TMEM132D: variants seen among roughly 807,000 people sequenced by gnomAD.
The protein encoded by TMEM132D is mature OL transmembrane protein.
TMEM132D carries 21 observed loss-of-function variants against 62.3 expected under a neutral mutation model. That is an observed-to-expected ratio of 0.34 (90% CI 0.24 to 0.49). The LOEUF is 0.49. Among genes scored for constraint, TMEM132D ranks in the 20% least tolerant of loss-of-function variants. The probability of loss-of-function intolerance (pLI) is 0.99; values close to 1 mark genes in which losing one functional copy is unlikely to be tolerated. For missense variants in TMEM132D, 1,346 were observed against 1,402.8 expected, an observed-to-expected ratio of 0.96 and a Z score of 0.65; for synonymous variants, 621 against 575.6, an observed-to-expected ratio of 1.08 and a Z score of -1.13.
intron 1 of TMEM132D, among the ~76,000 whole-genome samples, chr12:129,877,608 C>T (rs1364445450): frequency 1.1e-5 from 1 of 91,508 alleles, no homozygotes. Context: ...CAAACGCGCG[C>T]GCGCGCACAC....
At chr12:129,405,682 G>A (rs753193629) in intron 3 of TMEM132D, among the ~76,000 whole-genome samples, 8 of 152,108 alleles carry the variant, frequency 5.3e-5, no homozygotes, top group African/African-American at 2.4e-5. Flanking sequence ...TGGGTACATG[G>A]AGTAGTCAGG....
intron 1 of TMEM132D, among the ~76,000 whole-genome samples, chr12:129,783,597 G>A (rs540676396): frequency 2.6e-5 from 4 of 152,244 alleles, no homozygotes; most frequent in South Asian, 2.1e-4. Context: ...GACAAATGCC[G>A]CTGGGAAAAG....
intron 3 of TMEM132D, among the ~76,000 whole-genome samples, chr12:129,444,875 G>A (rs1197158789): frequency 6.6e-6 from 1 of 152,182 alleles, no homozygotes; most frequent in Non-Finnish European, 1.5e-5. Context: ...CTTACACACT[G>A]TTGGTGGAAA....
chr12:129,843,015 A>T (rs927404318), intron 1 of TMEM132D, among the ~76,000 whole-genome samples: 2 of 152,180 alleles, frequency 1.3e-5, no homozygotes, highest in African/African-American at 4.8e-5. Flanking sequence ...AAATAATAGT[A>T]CTGTTGGTTC....
At chr12:129,534,197 A>T (rs557249712) in intron 2 of TMEM132D, among the ~76,000 whole-genome samples, 2 of 91,734 alleles carry the variant, frequency 2.2e-5, no homozygotes, top group African/African-American at 6.8e-5. Context: ...GGTTACACTG[A>T]CAGCCTCATT....
At chr12:129,196,575 A>C (rs574259396) in intron 5 of TMEM132D, among the ~76,000 whole-genome samples, 1 of 152,256 alleles carries the variant, frequency 6.6e-6, no homozygotes, top group African/African-American at 2.4e-5. Context: ...TTGACTGGTG[A>C]TGTCTGCCCT....
chr12:129,143,248 C>CTTGCT (rs1876794572), intron 5 of TMEM132D, among the ~76,000 whole-genome samples: 2 of 152,052 alleles, frequency 1.3e-5, no homozygotes, highest in Admixed American at 1.3e-4. Context: ...GAGTGGCTCA[C>CTTGCT]AAAACTCAGG....
chr12:129,600,245 A>G (rs1296186559), intron 2 of TMEM132D, among the ~76,000 whole-genome samples: 1 of 152,206 alleles, frequency 6.6e-6, no homozygotes, highest in East Asian at 1.9e-4. Flanking sequence ...GTTCATCCAT[A>G]AGAAGCAATT....
chr12:129,587,483 C>T lies in TMEM132D; in HGVS notation c.969-56278G>A, dbSNP rs936810656. The stretch of plus-strand genomic sequence containing the variant: ...GTGATGAACTAATTCGTACAACAAA[C>T]CCCCATGACACGAGTTTACCTATGT... On this transcript the variant is annotated intron_variant, in intron 2 of 8. Transcript: ENST00000422113. 4.6e-5 allele frequency among the ~76,000 whole-genome samples: 7 copies of T among 152,058 alleles called. No homozygotes were observed. The South Asian group carries it at 1.0e-3, about 23-fold the overall frequency.
chr12:129,095,196 A>T (rs190473469), intron 5 of TMEM132D, among the ~76,000 whole-genome samples: 53 of 151,166 alleles, frequency 3.5e-4, no homozygotes, highest in Admixed American at 7.3e-4. Flanking sequence ...AATAAAATTT[A>T]AAAAAAAAGG....
At chr12:129,365,656 C>T (rs1407779099) in intron 3 of TMEM132D, among the ~76,000 whole-genome samples, 1 of 152,124 alleles carries the variant, frequency 6.6e-6, no homozygotes, top group Non-Finnish European at 1.5e-5. Flanking sequence ...CCGCAGGGAG[C>T]CTTGGAGCAA....
At chr12:129,272,831 T>A (rs183886634) in intron 4 of TMEM132D, among the ~76,000 whole-genome samples, 1 of 151,768 alleles carries the variant, frequency 6.6e-6, no homozygotes, top group East Asian at 1.9e-4. Flanking sequence ...GAGGCCAAGA[T>A]GGGCAGGTCA....
intron 4 of TMEM132D, among the ~76,000 whole-genome samples, chr12:129,280,656 A>G (rs1193261980): frequency 6.6e-6 from 1 of 152,128 alleles, no homozygotes; most frequent in Non-Finnish European, 1.5e-5. Flanking sequence ...AGCCTCCATA[A>G]GTATGTAAGC....
chr12:129,334,903 A>G (rs566783791), intron 4 of TMEM132D, among the ~76,000 whole-genome samples: 1 of 151,984 alleles, frequency 6.6e-6, no homozygotes, highest in Non-Finnish European at 1.5e-5. Context: ...CCAAGTTTTA[A>G]TCCAATACAT....
chr12:129,385,538 C>G (rs1162014406), intron 3 of TMEM132D, among the ~76,000 whole-genome samples: 1 of 152,146 alleles, frequency 6.6e-6, no homozygotes. Flanking sequence ...CACCAACCAG[C>G]CTAGTAAGTG....
intron 3 of TMEM132D, among the ~76,000 whole-genome samples, chr12:129,353,939 ACAGAC>A: frequency 6.6e-6 from 1 of 151,994 alleles, no homozygotes; most frequent in South Asian, 2.1e-4. Flanking sequence ...CCTTCCCAAC[ACAGAC>A]AGCTCTTCTC....
At chr12:129,226,900 G>T (rs1423634924) in intron 4 of TMEM132D, among the ~76,000 whole-genome samples, 1 of 152,164 alleles carries the variant, frequency 6.6e-6, no homozygotes, top group Non-Finnish European at 1.5e-5. Context: ...CTGGGAATAA[G>T]GTCTCCTTCA....
At chr12:129,566,803 T>C (rs1877379646) in intron 2 of TMEM132D, among the ~76,000 whole-genome samples, 1 of 152,228 alleles carries the variant, frequency 6.6e-6, no homozygotes, top group African/African-American at 2.4e-5. Context: ...AGGATTCATC[T>C]GTCTAGTAAG....
rs145231890 is a variant in TMEM132D, at chr12:129,340,909, G to A, written c.1116-3092C>T. Among the ~76,000 whole-genome samples the A allele has an allele frequency of 4.2e-4, 64 of 152,280 alleles. 1 individual carries two copies. The highest frequency in any genetic ancestry group is 4.6e-4 in the Admixed American group (7 of 15,288). ...CTTGTGGGGAAAACGTTGTATGCGC[G>A]TGATTTTCTGGAAAGATTCCTTAGC... On this transcript the variant is annotated intron_variant, in intron 3 of 8. Transcript: ENST00000422113.
Sources: gnomAD v4.1 joint callset for allele counts (sites outside exome capture counted in the v4.1 genomes callset) on GRCh38, gnomAD v4.1.1 for gene constraint, MANE v1.5 for transcripts, NCBI Gene and HGNC (gene_info 2026-07-23, HGNC 2026-07-21) for gene names.